Variants in DTX4 observed in about 807,000 individuals in gnomAD.
DTX4 encodes the protein deltex E3 ubiquitin ligase 4, also known as E3 ubiquitin-protein ligase DTX4.
A neutral mutation model predicts 57.6 loss-of-function variants in DTX4; 28 were observed. The observed-to-expected ratio is 0.49, with a 90% confidence interval of 0.36 to 0.67. The LOEUF is 0.67. DTX4 is among the 30% of genes least tolerant of loss of function. The pLI is 0.00. For missense variants in DTX4, 715 were observed against 836.8 expected (o/e 0.85, Z 1.80); for synonymous variants, 316 against 331.0 (o/e 0.95, Z 0.49).
At chr11:59,196,499 T>G (rs949395663) in intron 7 of DTX4, among the ~76,000 whole-genome samples, 3 of 152,252 alleles carry the variant, frequency 2.0e-5, no homozygotes, top group African/African-American at 7.2e-5. Flanking sequence ...ACACAGGCCT[T>G]CAAAGTCCAA....
At chr11:59,176,015 T>C (rs1862391490) in intron 1 of DTX4, among the ~76,000 whole-genome samples, 1 of 152,212 alleles carries the variant, frequency 6.6e-6, no homozygotes, top group East Asian at 1.9e-4. Context: ...GTGATGATAC[T>C]GATAAGCACA....
In DTX4 at chr11:59,181,771, G is replaced by A. The variant is rs1306981832; in HGVS notation, c.244G>A (p.Asp82Asn). 14 of 1,612,278 alleles carry A rather than the reference G, an allele frequency of 8.7e-6. No individual in the cohort carries two copies. The highest frequency in any genetic ancestry group is 1.1e-5 in the South Asian group (1 of 90,938). Residue 82 changes from aspartate to asparagine, a missense_variant, in exon 2 of 9, where the codon GAC becomes AAC. By Grantham distance (23) the Asp-to-Asn change is conservative. Transcript: ENST00000227451. The part of the protein sequence containing the change: ...TLRPVRRNYY[D>N]PSSAPGKGVV... Reference sequence around the variant, plus strand: ...CCGCCCAGTTCGCCGCAACTACTACGACCCCTCCTCGGCCCCTGGGAAGGG... The same window carrying A: ...CCGCCCAGTTCGCCGCAACTACTACAACCCCTCCTCGGCCCCTGGGAAGGG...
chr11:59,188,775 C>A lies in DTX4; in HGVS notation c.976C>A (p.Pro326Thr), dbSNP rs1246925021. 8.7e-6 allele frequency: 14 copies of A among 1,613,876 alleles called. No homozygotes were observed. Among genetic ancestry groups the A allele is most frequent in the Non-Finnish European group, 1.1e-5 (13 of 1,179,870 alleles). The change falls in exon 3 of 9, where the codon CCT becomes ACT. Residue 326 changes from proline (P) to threonine (T), a missense_variant. Coordinates refer to ENST00000227451, the MANE Select transcript of DTX4 (RefSeq NM_015177.2). ...VPVKNLNGSS[P>T]VNPALAGITG... is the part of the protein sequence containing the mutation. ...AGTGAAGAACCTAAATGGGTCCAGT[C>A]CTGTCAACCCTGCCTTGGCAGGTAA...
Position 59,199,739 on chromosome 11 carries a change from A to C in DTX4, c.1592A>C (p.His531Pro). 6.4e-7 allele frequency: 1 copy of C among 1,572,684 alleles called. No individual in the cohort carries two copies. The highest frequency in any genetic ancestry group is 1.2e-5 in the South Asian group (1 of 85,172). The change falls in exon 8 of 9, where the codon CAC (histidine) becomes CCC (proline). Residue 531 changes from histidine (H) to proline (P), a missense_variant. Coordinates refer to ENST00000227451, the MANE Select transcript of DTX4 (RefSeq NM_015177.2). The stretch of plus-strand genomic sequence containing the variant: ...TTCAGCGCCCGAGGCTTCCCACGAC[A>C]CTGTTACCTTCCGGACAGCGAGAAA... The part of the protein sequence containing the change: ...KSFSARGFPR[H>P]CYLPDSEKGR...
Position 59,205,115 on chromosome 11 carries a change from A to C in DTX4, c.*206A>C. On this transcript the variant is annotated 3_prime_UTR_variant, in exon 9 of 9. Transcript: ENST00000227451. ...TCATTCATAAATCTCATCCAACACA[A>C]AGGGAGATGGGATGAGGGCCATCCT... 3.6e-5 allele frequency: 19 copies of C among 534,346 alleles called. No homozygotes were observed. Among genetic ancestry groups the C allele is most frequent in the East Asian group, 3.4e-5 (1 of 29,544 alleles). 33.1% of individuals were successfully genotyped at this position (534,346 alleles called of 1,614,324 possible). A position where few individuals can be genotyped will look rare whatever the true frequency, so the allele number is the denominator to read the frequency against.
At chr11:59,200,500 A>T (rs1049128603) in intron 8 of DTX4, among the ~76,000 whole-genome samples, 1 of 152,218 alleles carries the variant, frequency 6.6e-6, no homozygotes, top group African/African-American at 2.4e-5. Context: ...ACCAGAAGCC[A>T]CTTCATCTTA....
chr11:59,186,988 A>G (rs971455665), intron 2 of DTX4, among the ~76,000 whole-genome samples: 6 of 152,136 alleles, frequency 3.9e-5, no homozygotes, highest in African/African-American at 1.2e-4. Flanking sequence ...ATTGGTGCAC[A>G]TGTCATCATC....
Position 59,189,331 on chromosome 11 carries a change from C to G in DTX4, c.1159+8C>G. On this transcript the variant is annotated splice_region_variant and intron_variant, in intron 4 of 8. Transcript: ENST00000227451. ...AAAAACAAGCCAAGAAAGGTACCAG[C>G]CTCTTGTCTCGTGGGGTACTGAGAG... is the stretch of plus-strand genomic sequence containing the variant. 6.5e-7 allele frequency: 1 copy of G among 1,531,004 alleles called. No homozygotes were observed. The highest frequency in any genetic ancestry group is 8.8e-7 in the Non-Finnish European group (1 of 1,134,562). The allele number at this position is 1,531,004 out of a possible 1,614,324, so 94.8% of individuals were successfully genotyped here. A position where few individuals can be genotyped will look rare whatever the true frequency, so the allele number is the denominator to read the frequency against.
chr11:59,177,768 A>C (rs772310970), intron 1 of DTX4, among the ~76,000 whole-genome samples: 1 of 152,106 alleles, frequency 6.6e-6, no homozygotes, highest in Admixed American at 6.5e-5. Flanking sequence ...ACCTCTCAAA[A>C]TTCTTTTTGT....
chr11:59,195,095 C>G, intron 6 of DTX4, 113 bp from the exon 7 acceptor site: 1 of 1,085,474 alleles, frequency 9.2e-7, no homozygotes, highest in Non-Finnish European at 1.4e-6. Context: ...TATCACTCAC[C>G]AGGGTGCATT....
intron 5 of DTX4, 61 bp from the exon 6 acceptor site, chr11:59,192,037 G>A: frequency 6.4e-7 from 1 of 1,572,190 alleles, no homozygotes; most frequent in African/African-American, 1.3e-5. Flanking sequence ...GAGATCATGT[G>A]GAAATCTCCC....
chr11:59,201,220 G>T (rs1862736686), intron 8 of DTX4, among the ~76,000 whole-genome samples: 1 of 152,124 alleles, frequency 6.6e-6, no homozygotes, highest in African/African-American at 2.4e-5. Context: ...CATCCATTAG[G>T]GTTCTGCTGT....
chr11:59,200,376 T>C (rs1862726447), intron 8 of DTX4, among the ~76,000 whole-genome samples: 1 of 152,162 alleles, frequency 6.6e-6, no homozygotes, highest in Non-Finnish European at 1.5e-5. Context: ...CTCTCGGGTA[T>C]TAGTGGCAAT....
intron 2 of DTX4, among the ~76,000 whole-genome samples, chr11:59,187,663 C>T (rs540715555): frequency 1.1e-4 from 17 of 152,332 alleles, no homozygotes; most frequent in Admixed American, 4.6e-4. Context: ...CATCTGTGAC[C>T]GGGTCCATTA....
At chr11:59,186,520 A>C (rs994192906) in intron 2 of DTX4, among the ~76,000 whole-genome samples, 2 of 152,152 alleles carry the variant, frequency 1.3e-5, no homozygotes, top group Non-Finnish European at 2.9e-5. Context: ...ACCTCTCCAG[A>C]AAGAGCTGGG....
At chr11:59,201,421 G>A (rs577272435) in intron 8 of DTX4, among the ~76,000 whole-genome samples, 46 of 152,302 alleles carry the variant, frequency 3.0e-4, no homozygotes, top group Middle Eastern at 6.8e-3. Flanking sequence ...CCTTCCCATG[G>A]AAGGGGGCAG....
chr11:59,188,878 A>G, intron 3 of DTX4, 82 bp downstream of exon 3: 1 of 1,322,846 alleles, frequency 7.6e-7, no homozygotes, highest in Non-Finnish European at 1.1e-6. Context: ...GTGGAAAAAA[A>G]GGAGAGAATC....
chr11:59,176,253 G>C (rs367569206), intron 1 of DTX4, among the ~76,000 whole-genome samples: 226 of 152,294 alleles, frequency 1.5e-3, no homozygotes, highest in African/African-American at 5.1e-3. Flanking sequence ...CAATGTGCAG[G>C]ATGCACCATG....
At chr11:59,184,283 T>A (rs1405242661) in intron 2 of DTX4, among the ~76,000 whole-genome samples, 1 of 152,176 alleles carries the variant, frequency 6.6e-6, no homozygotes, top group Non-Finnish European at 1.5e-5. Context: ...AAACTAGGAC[T>A]GTCTGGGCTT....
Sources: gnomAD v4.1 joint callset for allele counts (sites outside exome capture counted in the v4.1 genomes callset) on GRCh38, gnomAD v4.1.1 for gene constraint, MANE v1.5 for transcripts, NCBI Gene and HGNC (gene_info 2026-07-23, HGNC 2026-07-21) for gene names.